Variants in A1CF observed in about 807,000 individuals in gnomAD.
A1CF encodes APOBEC-1 stimulating protein.
A1CF carries 48 observed loss-of-function variants against 68.9 expected under a neutral mutation model. The ratio of observed to expected loss-of-function variants is 0.70; its 90% CI spans 0.55 to 0.89. A1CF has a LOEUF of 0.89. A1CF is among the 40% of genes least tolerant of loss of function. The pLI is 0.00. For synonymous variants in A1CF, 272 were observed against 260.4 expected, an observed-to-expected ratio of 1.04 and a Z score of -0.43; for missense variants, 653 against 718.9, an observed-to-expected ratio of 0.91 and a Z score of 1.05.
intron 7 of A1CF, among the ~76,000 whole-genome samples, chr10:50,827,085 A>C (rs1427913193): frequency 6.6e-6 from 1 of 152,238 alleles, no homozygotes; most frequent in East Asian, 1.9e-4. Context: ...CGAGCTAACT[A>C]TCCTAAATAT....
At chr10:50,875,809 C>G (rs1253573077) in intron 1 of A1CF, among the ~76,000 whole-genome samples, 1 of 152,232 alleles carries the variant, frequency 6.6e-6, no homozygotes, top group East Asian at 1.9e-4. Context: ...CTGCACACCA[C>G]TGGAAGATCA....
At chr10:50,825,171 G>A (rs914915813) in intron 7 of A1CF, among the ~76,000 whole-genome samples, 1 of 152,168 alleles carries the variant, frequency 6.6e-6, no homozygotes, top group Admixed American at 6.6e-5. Flanking sequence ...GTTGGAAACA[G>A]ACGATGTGAG....
intron 8 of A1CF, among the ~76,000 whole-genome samples, chr10:50,818,018 A>G (rs1279784699): frequency 2.0e-5 from 3 of 152,052 alleles, no homozygotes; most frequent in South Asian, 2.1e-4. Flanking sequence ...ACAACCTACC[A>G]TATTGGAAGC....
chr10:50,810,146 T>C (rs1838034568), intron 11 of A1CF, 104 bp from the exon 12 acceptor site: 1 of 1,324,464 alleles, frequency 7.6e-7, no homozygotes, highest in Non-Finnish European at 1.0e-6. Flanking sequence ...GATGGTGGTA[T>C]TTTGAGTGGG....
At chr10:50,879,465 C>T (rs188486449) in intron 1 of A1CF, among the ~76,000 whole-genome samples, 137 of 152,244 alleles carry the variant, frequency 9.0e-4, no homozygotes, top group Admixed American at 4.6e-3. Flanking sequence ...CAAAGAAATA[C>T]CTGAGACTGG....
chr10:50,854,698 T>G (rs1212416610), intron 3 of A1CF, among the ~76,000 whole-genome samples: 1 of 151,964 alleles, frequency 6.6e-6, no homozygotes, highest in Non-Finnish European at 1.5e-5. Flanking sequence ...GCACTGCATT[T>G]TTATACTCTA....
intron 3 of A1CF, among the ~76,000 whole-genome samples, chr10:50,851,610 GTC>G (rs142545887): frequency 0.033 from 4,980 of 152,234 alleles, 233 homozygotes; most frequent in African/African-American, 0.11. Context: ...CATAGACACT[GTC>G]TACTAAAAGC....
intron 1 of A1CF, among the ~76,000 whole-genome samples, chr10:50,867,699 T>C (rs964066657): frequency 6.6e-6 from 1 of 152,132 alleles, no homozygotes; most frequent in Non-Finnish European, 1.5e-5. Context: ...GAAATGGTCA[T>C]TGTGAATGAC....
At chr10:50,875,012 G>A (rs1315493821) in intron 1 of A1CF, among the ~76,000 whole-genome samples, 1 of 152,136 alleles carries the variant, frequency 6.6e-6, no homozygotes, top group Non-Finnish European at 1.5e-5. Context: ...ATCTAGAACA[G>A]CTGACTGAAG....
chr10:50,879,017 T>C (rs1841651106), intron 1 of A1CF, among the ~76,000 whole-genome samples: 1 of 152,212 alleles, frequency 6.6e-6, no homozygotes, highest in South Asian at 2.1e-4. Context: ...CATCAAAACT[T>C]GCTTCCCACA....
chr10:50,854,290 A>T (rs549410364), intron 3 of A1CF, among the ~76,000 whole-genome samples: 1 of 152,144 alleles, frequency 6.6e-6, no homozygotes, highest in African/African-American at 2.4e-5. Flanking sequence ...TCACAAATTT[A>T]TATGTAGCCT....
chr10:50,849,786 CTTTTTTTT>C, intron 3 of A1CF, among the ~76,000 whole-genome samples: 1 of 83,660 alleles, frequency 1.2e-5, no homozygotes, highest in South Asian at 4.8e-4. Flanking sequence ...TTAATGAATT[CTTTTTTTT>C]TTTTTTTTTT....
chr10:50,814,185 T>A, intron 9 of A1CF, 147 bp from the exon 10 acceptor site: 1 of 783,968 alleles, frequency 1.3e-6, no homozygotes. Flanking sequence ...TGGGAGACTC[T>A]AGGATTCTAA....
At chr10:50,809,488 G>T (rs933670281) in intron 12 of A1CF, among the ~76,000 whole-genome samples, 1 of 152,150 alleles carries the variant, frequency 6.6e-6, no homozygotes, top group Admixed American at 6.6e-5. Flanking sequence ...ACTCTTGGTG[G>T]TATCATGAGT....
intron 1 of A1CF, among the ~76,000 whole-genome samples, chr10:50,872,946 CTTTTTT>C (rs34770362): frequency 0.01 from 700 of 67,270 alleles, 2 homozygotes; most frequent in African/African-American, 0.036. Flanking sequence ...ATTTAAGTTC[CTTTTTT>C]TTTTTTTTTT....
rs1659248652 is a variant in A1CF at position 50,804,977 on chromosome 10, T to G, written c.*1752A>C. ...AGGAGATTCTAATGTACAGCCTACT[T>G]TGGGAACTACTGTCCTAGGAAATAT... On this transcript the variant is annotated 3_prime_UTR_variant, in exon 13 of 13. Coordinates refer to ENST00000373997, the MANE Select transcript of A1CF (RefSeq NM_014576.4). The G allele has an allele frequency of 1.3e-5, 2 of 152,204 alleles. No individual in the cohort carries two copies. The highest frequency in any genetic ancestry group is 4.8e-5 in the African/African-American group (2 of 41,448). The allele number at this position is 152,204 out of a possible 1,614,324, so 9.4% of individuals were successfully genotyped here.
In A1CF at chr10:50,841,441, CAG is replaced by C. The variant is rs140968923; in HGVS notation, c.365+419_365+420del. 2.3e-3 allele frequency among the ~76,000 whole-genome samples: 355 copies of C among 152,314 alleles called. 2 individuals are homozygous for C. The highest frequency in any genetic ancestry group is 0.012 in the Admixed American group (178 of 15,292). Reference sequence around the variant, plus strand: ...AGTCTCAGATTAAGTTTCACTCTGCCAGAGAGTATTTTCTTAAATACACCAAA... The same window carrying C: ...AGTCTCAGATTAAGTTTCACTCTGCCAGAGTATTTTCTTAAATACACCAAA... On this transcript the variant is annotated intron_variant, in intron 5 of 12. Coordinates refer to ENST00000373997, the MANE Select transcript of A1CF (RefSeq NM_014576.4).
chr10:50,866,236 A>C (rs1406443104), intron 1 of A1CF, among the ~76,000 whole-genome samples: 1 of 152,212 alleles, frequency 6.6e-6, no homozygotes, highest in African/African-American at 2.4e-5. Flanking sequence ...AAAGTAAAAA[A>C]ATTCAGAGTG....
At chr10:50,849,969 A>G (rs538881938) in intron 3 of A1CF, among the ~76,000 whole-genome samples, 1 of 151,492 alleles carries the variant, frequency 6.6e-6, no homozygotes, top group African/African-American at 2.4e-5. Flanking sequence ...AATTTTTTGT[A>G]CTTTTTAGTA....
Sources: allele counts gnomAD v4.1 joint callset (sites outside exome capture counted in the v4.1 genomes callset), GRCh38; gene constraint gnomAD v4.1.1; transcripts MANE v1.5; gene names NCBI Gene and HGNC (gene_info 2026-07-23, HGNC 2026-07-21).